TMEM117: variants seen among roughly 807,000 people sequenced by gnomAD.
TMEM117 encodes transmembrane protein 117.
Under a neutral mutation model 52.4 loss-of-function variants are expected in TMEM117, and 27 were observed. The observed-to-expected ratio is 0.51, with a 90% CI of 0.38 to 0.71. The LOEUF (loss-of-function observed/expected upper bound fraction) is 0.71, where lower values mean the gene tolerates loss of function less well. Ranked by LOEUF, TMEM117 falls within the 30% of genes least tolerant of loss-of-function variation. The pLI is 0.00. For synonymous variants in TMEM117, 215 were observed against 206.3 expected, an observed-to-expected ratio of 1.04 and a Z score of -0.36; for missense variants, 556 against 630.5, an observed-to-expected ratio of 0.88 and a Z score of 1.26.
chr12:44,282,414 C>T (rs1950589178), intron 5 of TMEM117, among the ~76,000 whole-genome samples: 1 of 152,148 alleles, frequency 6.6e-6, no homozygotes, highest in South Asian at 2.1e-4. Flanking sequence ...TACTGAATGG[C>T]TTTGCCCAAA....
intron 4 of TMEM117, among the ~76,000 whole-genome samples, chr12:44,150,500 T>C (rs1449147525): frequency 6.6e-6 from 1 of 152,126 alleles, no homozygotes; most frequent in Non-Finnish European, 1.5e-5. Context: ...GCAGATTTAG[T>C]GGCACCCACA....
At chr12:44,102,984 C>T (rs796611398) in intron 3 of TMEM117, among the ~76,000 whole-genome samples, 12 of 152,082 alleles carry the variant, frequency 7.9e-5, no homozygotes, top group African/African-American at 1.9e-4. Flanking sequence ...CTTCCCCTTC[C>T]GCCATGATTG....
At chr12:43,937,027 C>A (rs889498770) in intron 2 of TMEM117, among the ~76,000 whole-genome samples, 7 of 152,112 alleles carry the variant, frequency 4.6e-5, no homozygotes, top group Admixed American at 1.3e-4. Context: ...TGGACCAAGT[C>A]CCCCAAGAGA....
At chr12:44,036,158 C>A (rs895948999) in intron 3 of TMEM117, among the ~76,000 whole-genome samples, 2 of 152,154 alleles carry the variant, frequency 1.3e-5, no homozygotes, top group Admixed American at 1.3e-4. Context: ...AAATAAATCT[C>A]TTCCACTGAA....
At chr12:44,124,236 T>G (rs560493161) in intron 3 of TMEM117, among the ~76,000 whole-genome samples, 2 of 152,302 alleles carry the variant, frequency 1.3e-5, no homozygotes, top group African/African-American at 4.8e-5. Context: ...GTGCTAGCAA[T>G]TTTTCACATT....
chr12:44,121,219 A>C (rs1187247447), intron 3 of TMEM117, among the ~76,000 whole-genome samples: 2 of 152,240 alleles, frequency 1.3e-5, no homozygotes, highest in Non-Finnish European at 2.9e-5. Context: ...TTATGGGAGT[A>C]CAAGATGAGA....
intron 3 of TMEM117, among the ~76,000 whole-genome samples, chr12:44,102,822 G>C (rs886422904): frequency 6.6e-6 from 1 of 151,982 alleles, no homozygotes; most frequent in Non-Finnish European, 1.5e-5. Flanking sequence ...GGGACCCAGT[G>C]GGAGGTAATT....
At chr12:43,801,061 A>G in the TMEM117 span, among the ~76,000 whole-genome samples, 1 of 152,120 alleles carries the variant, frequency 6.6e-6, no homozygotes, top group African/African-American at 2.4e-5. Flanking sequence ...CACATTTTAA[A>G]GCTGAAAAAA....
At chr12:44,287,249 C>T (rs1168324907) in intron 5 of TMEM117, among the ~76,000 whole-genome samples, 1 of 152,140 alleles carries the variant, frequency 6.6e-6, no homozygotes, top group Non-Finnish European at 1.5e-5. Context: ...ACCACTCAAG[C>T]TGATAATTAT....
At chr12:43,874,925 G>A (rs1349148128) in intron 2 of TMEM117, among the ~76,000 whole-genome samples, 1 of 152,180 alleles carries the variant, frequency 6.6e-6, no homozygotes, top group Non-Finnish European at 1.5e-5. Flanking sequence ...CAGGGTCACT[G>A]AAATCCCTCT....
intron 3 of TMEM117, among the ~76,000 whole-genome samples, chr12:44,007,872 C>T (rs978021739): frequency 6.6e-6 from 1 of 152,124 alleles, no homozygotes; most frequent in East Asian, 1.9e-4. Context: ...TGTCTTCTGC[C>T]ATGATTGTGA....
intron 2 of TMEM117, among the ~76,000 whole-genome samples, chr12:43,933,964 A>G (rs1944912335): frequency 6.6e-6 from 1 of 152,260 alleles, no homozygotes. Flanking sequence ...TTAAATGTTG[A>G]AATAATGTTT....
At chr12:44,299,447 T>C (rs1950810787) in intron 5 of TMEM117, 133 bp from the exon 6 acceptor site, 17 of 1,207,568 alleles carry the variant, frequency 1.4e-5, no homozygotes, top group Non-Finnish European at 1.8e-5. Context: ...TTTTTCATCT[T>C]CCTTTTGGCT....
intron 3 of TMEM117, among the ~76,000 whole-genome samples, chr12:44,118,959 C>T (rs1948190101): frequency 6.6e-6 from 1 of 152,200 alleles, no homozygotes; most frequent in African/African-American, 2.4e-5. Flanking sequence ...TCCCCCAATT[C>T]CTAAATAACC....
At chr12:43,846,080 T>C (rs958853249) in intron 2 of TMEM117, among the ~76,000 whole-genome samples, 1 of 152,186 alleles carries the variant, frequency 6.6e-6, no homozygotes, top group Admixed American at 6.5e-5. Context: ...GAGTTGGAAC[T>C]ATAAACTTTT....
At chr12:44,003,958 T>A (rs1359761563) in intron 3 of TMEM117, among the ~76,000 whole-genome samples, 1 of 152,226 alleles carries the variant, frequency 6.6e-6, no homozygotes, top group Non-Finnish European at 1.5e-5. Flanking sequence ...TCAGAAGCCC[T>A]GACATTCTGG....
chr12:44,118,896 C>T (rs1454293873), intron 3 of TMEM117, among the ~76,000 whole-genome samples: 1 of 152,148 alleles, frequency 6.6e-6, no homozygotes, highest in Non-Finnish European at 1.5e-5. Flanking sequence ...ATTTTACTTT[C>T]CAGTTCTCAG....
At chr12:43,938,007 G>GC (rs1944980822) in intron 2 of TMEM117, among the ~76,000 whole-genome samples, 1 of 151,986 alleles carries the variant, frequency 6.6e-6, no homozygotes. Flanking sequence ...TTGTGCTCAA[G>GC]CTCAAGGGAG....
chr12:44,302,667 T>C (rs1950855944), intron 6 of TMEM117, among the ~76,000 whole-genome samples: 1 of 152,212 alleles, frequency 6.6e-6, no homozygotes, highest in African/African-American at 2.4e-5. Context: ...TAATAACTGC[T>C]TGATGAGGAT....
Sources: allele counts gnomAD v4.1 joint callset (sites outside exome capture counted in the v4.1 genomes callset), GRCh38; gene constraint gnomAD v4.1.1; transcripts MANE v1.5; gene names NCBI Gene and HGNC (gene_info 2026-07-23, HGNC 2026-07-21).